The following NES variants were observed in gnomAD, a reference collection of about 807,000 sequenced individuals.
NES encodes nestin.
In NES, 27 loss-of-function variants were observed where a neutral mutation model predicts 35.6. The observed-to-expected ratio is 0.76, with a 90% CI of 0.56 to 1.04. NES has a LOEUF of 1.04. NES is among the 50% of genes least tolerant of loss of function. NES has a pLI of 0.00. For synonymous variants in NES, 822 were observed against 824.2 expected (o/e 1.00, Z 0.04); for missense variants, 1,867 against 1,983.6 (o/e 0.94, Z 1.12).
Position 156,669,419 on chromosome 1 carries a change from G to A in NES, c.4769C>T (p.Ser1590Phe). 6.2e-7 allele frequency: 1 copy of A among 1,613,436 alleles called. No homozygotes were observed. The highest frequency in any genetic ancestry group is 2.2e-5 in the East Asian group (1 of 44,824). ...QEEEGSALKTSWAGAPVHLGQ... is the reference protein window; with the variant it reads ...QEEEGSALKTFWAGAPVHLGQ... ...CAGGTGAACAGGAGCCCCTGCCCAA[G>A]AGGTCTTCAGAGCACTCCCCTCCTC... Residue 1590 changes from serine (S) to phenylalanine (F), a missense_variant, in exon 4 of 4, where the codon TCT (serine) becomes TTT (phenylalanine). Coordinates refer to ENST00000368223, the MANE Select transcript of NES (RefSeq NM_006617.2).
At position 156,675,152 on chromosome 1, in the gene NES, C is replaced by T. The variant is rs186955480; in HGVS notation, c.908+64G>A. 3.8e-4 allele frequency: 603 copies of T among 1,570,410 alleles called. 7 individuals are homozygous for T. In the East Asian group the frequency reaches 0.011, roughly 29 times the overall value. On this transcript the variant is annotated intron_variant, in intron 2 of 3. Transcript: ENST00000368223. The stretch of plus-strand genomic sequence containing the variant: ...CTACACCTCTGGTCCCCTTCAGCCA[C>T]GTAGTCTGCCCCAGCATGTGTGTGT...
Position 156,675,222 on chromosome 1 carries a change from G to A in NES, c.902C>T (p.Thr301Met), listed in dbSNP as rs144117214. 3.9e-4 allele frequency: 628 copies of A among 1,613,200 alleles called. No individual in the cohort carries two copies. Among genetic ancestry groups the A allele is most frequent in the Non-Finnish European group, 5.0e-4 (590 of 1,179,750 alleles). Residue 301 changes from threonine to methionine, a missense_variant, in exon 2 of 4, where the codon ACG becomes ATG. Transcript: ENST00000368223. ...GACAGGGCTCGTCTCGTACCTGTACGTGGCCACCTCCAGGCTGAGGGACAT... is the reference window on the plus strand; with the variant it reads ...GACAGGGCTCGTCTCGTACCTGTACATGGCCACCTCCAGGCTGAGGGACAT... ...LKMSLSLEVA[T>M]YRTLLEAENS...
At position 156,671,870 on chromosome 1, in the gene NES, T is replaced by C; in HGVS notation, c.2318A>G (p.Asp773Gly). The C allele has an allele frequency of 6.2e-7, 1 of 1,614,036 alleles. No homozygotes were observed. The highest frequency in any genetic ancestry group is 8.5e-7 in the Non-Finnish European group (1 of 1,179,974). ...TTCTGGGGGTCTTAATGTCATCTGA[T>C]CCTGTTCCCCTAGAGACCTCCGTCG... is the stretch of plus-strand genomic sequence containing the variant. The part of the protein sequence containing the change: ...QQRRRSLGEQ[D>G]QMTLRPPEKV... The change falls in exon 4 of 4, where the codon GAT becomes GGT. Residue 773 changes from aspartate to glycine, a missense_variant. Physicochemically the swap from Asp to Gly is moderately conservative, Grantham distance 94. Coordinates refer to ENST00000368223, the MANE Select transcript of NES (RefSeq NM_006617.2).
Position 156,671,883 on chromosome 1 carries a change from G to C in NES, c.2305C>G (p.Leu769Val). 1 of 1,613,968 alleles carries C rather than the reference G, an allele frequency of 6.2e-7. No individual in the cohort carries two copies. Among genetic ancestry groups the C allele is most frequent in the Non-Finnish European group, 8.5e-7 (1 of 1,179,978 alleles). Residue 769 changes from leucine (L) to valine (V), a missense_variant, in exon 4 of 4, where the codon CTA (leucine) becomes GTA (valine). Coordinates refer to ENST00000368223, the MANE Select transcript of NES (RefSeq NM_006617.2). ...EKETQQRRRS[L>V]GEQDQMTLRP... ...AATGTCATCTGATCCTGTTCCCCTA[G>C]AGACCTCCGTCGCTGTTGAGTCTCT... is the stretch of plus-strand genomic sequence containing the variant.
chr1:156,676,866 C>T lies in NES; in HGVS notation c.399G>A (p.Leu133=). ...CGCGTAGAGCCTCTAGCTCGCGCTC[C>T]AGCTCTGCCACCTGGCTACTCAGCC... ...RAWLSSQVAE[L]ERELEALRVA... is the part of the protein sequence containing the mutation. The change falls in exon 1 of 4, where the codon CTG becomes CTA. Residue 133 remains leucine (L), a synonymous_variant. Coordinates refer to ENST00000368223, the MANE Select transcript of NES (RefSeq NM_006617.2). The surrounding 1 kb of genome is among the most constrained non-coding windows in gnomAD (Gnocchi z 5.3). The T allele has an allele frequency of 6.5e-7, 1 of 1,527,778 alleles. No homozygotes were observed. The highest frequency in any genetic ancestry group is 8.7e-7 in the Non-Finnish European group (1 of 1,150,630). The allele number at this position is 1,527,778 out of a possible 1,614,324, so 94.6% of individuals were successfully genotyped here. A position where few individuals can be genotyped will look rare whatever the true frequency, so the allele number is the denominator to read the frequency against.
rs759455248 is a variant in NES, at chr1:156,677,321, G to A, written c.-57C>T. 3.5e-6 allele frequency: 5 copies of A among 1,432,118 alleles called. No individual in the cohort carries two copies. The highest frequency in any genetic ancestry group is 4.8e-6 in the Non-Finnish European group (5 of 1,050,702). 88.7% of individuals were successfully genotyped at this position (1,432,118 alleles called of 1,614,324 possible). A position where few individuals can be genotyped will look rare whatever the true frequency, so the allele number is the denominator to read the frequency against. Reference sequence around the variant, plus strand: ...ACGCGGGGCACCGGGAGAAGGGAGCGGCTCGCAGAGCTTTTAGGACGGAAG... The same window carrying A: ...ACGCGGGGCACCGGGAGAAGGGAGCAGCTCGCAGAGCTTTTAGGACGGAAG... On this transcript the variant is annotated 5_prime_UTR_variant, in exon 1 of 4. Transcript: ENST00000368223. The surrounding 1 kb of genome is among the most constrained non-coding windows in gnomAD (Gnocchi z 4.5).
rs1464544119 is a variant in NES at position 156,672,651 on chromosome 1, C to G, written c.1537G>C (p.Gly513Arg). 2 of 1,613,916 alleles carry G rather than the reference C, an allele frequency of 1.2e-6. No homozygotes were observed. The highest frequency in any genetic ancestry group is 1.6e-4 in the Middle Eastern group (1 of 6,062). ...TGCTGCAAGCTGCTTACCACTTTGC[C>G]CTCTATGGCTGTTTCTTTCTCTACC... is the stretch of plus-strand genomic sequence containing the variant. ...GLVEKETAIE[G>R]KVVSSLQQEI... The change falls in exon 4 of 4, where the codon GGC (glycine) becomes CGC (arginine). Residue 513 changes from glycine to arginine, a missense_variant. Physicochemically the swap from Gly to Arg is moderately radical, Grantham distance 125. Coordinates refer to ENST00000368223, the MANE Select transcript of NES (RefSeq NM_006617.2).
Position 156,672,461 on chromosome 1 carries a change from G to A in NES, c.1727C>T (p.Pro576Leu), listed in dbSNP as rs769193090. The change falls in exon 4 of 4, where the codon CCG becomes CTG. Residue 576 changes from proline to leucine, a missense_variant. By Grantham distance (98) the Pro-to-Leu change is moderately conservative. Transcript: ENST00000368223. The part of the protein sequence containing the change: ...ETLERENQEC[P>L]RSLEEDLETL... ...TTCTAAGTCTTCTTCTAAAGACCTCGGACATTCTTGATTCTCCCTTTCTAG... is the reference window on the plus strand; with the variant it reads ...TTCTAAGTCTTCTTCTAAAGACCTCAGACATTCTTGATTCTCCCTTTCTAG... 1.1e-5 allele frequency: 17 copies of A among 1,611,472 alleles called. No homozygotes were observed. In the Admixed American group the frequency reaches 1.3e-4, roughly 13 times the overall value.
chr1:156,676,627 C>T lies in NES; in HGVS notation c.638G>A (p.Arg213Gln). The change falls in exon 1 of 4, where the codon CGG (arginine) becomes CAG (glutamine). Residue 213 changes from arginine (R) to glutamine (Q), a missense_variant. Transcript: ENST00000368223. The surrounding 1 kb of genome is among the most constrained non-coding windows in gnomAD (Gnocchi z 5.3). Reference protein sequence around the residue: ...SLGQARERLGRAVQGAREGRL... With the variant: ...SLGQARERLGQAVQGAREGRL... ...GCCCTCGCGGGCACCCTGCACCGCC[C>T]GGCCCAGCCGCTCGCGGGCCTGGCC... 1 of 1,537,602 alleles carries T rather than the reference C, an allele frequency of 6.5e-7. No individual in the cohort carries two copies. The highest frequency in any genetic ancestry group is 8.7e-7 in the Non-Finnish European group (1 of 1,155,072).
chr1:156,674,131 G>T (rs1411977962), intron 2 of NES, among the ~76,000 whole-genome samples: 1 of 152,126 alleles, frequency 6.6e-6, no homozygotes, highest in Non-Finnish European at 1.5e-5. Flanking sequence ...CCCCTTGGTG[G>T]CTTCACTGGG....
At position 156,670,011 on chromosome 1, in the gene NES, C is replaced by G; in HGVS notation, c.4177G>C (p.Val1393Leu). The change falls in exon 4 of 4, where the codon GTG (valine) becomes CTG (leucine). Residue 1393 changes from valine to leucine, a missense_variant. By Grantham distance (32) the Val-to-Leu change is conservative (BLOSUM62 1). Coordinates refer to ENST00000368223, the MANE Select transcript of NES (RefSeq NM_006617.2). The stretch of plus-strand genomic sequence containing the variant: ...GCAGGATCCAGTAGCAGCTGGGGCA[C>G]CTGGCCCAGAGGTTCTGCCACCTCC... ...PGEVAEPLGQ[V>L]PQLLLDPAAW... The G allele has an allele frequency of 6.2e-7, 1 of 1,613,968 alleles. No individual in the cohort carries two copies. The highest frequency in any genetic ancestry group is 8.5e-7 in the Non-Finnish European group (1 of 1,179,992).
In NES at chr1:156,670,226, G is replaced by A. The variant is rs755531021; in HGVS notation, c.3962C>T (p.Pro1321Leu). ...PRWDPTGEQRPPPQGETGKEG... is the reference protein window; with the variant it reads ...PRWDPTGEQRLPPQGETGKEG... ...CTTTCCAGTCTCCCCTTGAGGGGGT[G>A]GCCTCTGCTCTCCAGTGGGGTCCCA... Residue 1321 changes from proline (P) to leucine (L), a missense_variant, in exon 4 of 4, where the codon CCA (proline) becomes CTA (leucine). By Grantham distance (98) the Pro-to-Leu change is moderately conservative. Transcript: ENST00000368223. 7 of 1,613,788 alleles carry A rather than the reference G, an allele frequency of 4.3e-6. No homozygotes were observed. The highest frequency in any genetic ancestry group is 1.3e-5 in the African/African-American group (1 of 74,936).
intron 2 of NES, 100 bp from the exon 3 acceptor site, chr1:156,673,627 G>T: frequency 1.3e-6 from 1 of 749,974 alleles, no homozygotes; most frequent in Non-Finnish European, 2.2e-6. Context: ...CACCATCCAG[G>T]CCCTGCAGGC....
Position 156,676,362 on chromosome 1 carries a change from C to G in NES, c.783+120G>C. 1.0e-6 allele frequency: 1 copy of G among 974,552 alleles called. No homozygotes were observed. 60.4% of individuals were successfully genotyped at this position (974,552 alleles called of 1,614,324 possible). A position where few individuals can be genotyped will look rare whatever the true frequency, so the allele number is the denominator to read the frequency against. The stretch of plus-strand genomic sequence containing the variant: ...ACTTGTGGCACCAGGTTTCTGAGAA[C>G]TGGCTCCTGATTCAGCAGCCAGCTA... On this transcript the variant is annotated intron_variant, in intron 1 of 3. Coordinates refer to ENST00000368223, the MANE Select transcript of NES (RefSeq NM_006617.2). This position sits in a 1 kb window ranked among gnomAD's most constrained non-coding sequence, Gnocchi z 5.3.
At chr1:156,674,985 TC>T (rs1424464730) in intron 2 of NES, among the ~76,000 whole-genome samples, 5 of 152,248 alleles carry the variant, frequency 3.3e-5, no homozygotes, top group African/African-American at 1.2e-4. Flanking sequence ...ATATCATCTC[TC>T]CTGGGGGGAT....
chr1:156,670,535 A>G lies in NES; in HGVS notation c.3653T>C (p.Leu1218Pro), dbSNP rs1679696157. Reference sequence around the variant, plus strand: ...GGTGTACGTTGGGCTGGGGGAGACCAGCACTGGTGGTACATCCTCCTCAGC... The same window carrying G: ...GGTGTACGTTGGGCTGGGGGAGACCGGCACTGGTGGTACATCCTCCTCAGC... ...EEAEEDVPPV[L>P]VSPSPTYTPI... The change falls in exon 4 of 4, where the codon CTG becomes CCG. Residue 1218 changes from leucine (L) to proline (P), a missense_variant. Coordinates refer to ENST00000368223, the MANE Select transcript of NES (RefSeq NM_006617.2). The G allele has an allele frequency of 1.9e-6, 3 of 1,607,886 alleles. No homozygotes were observed. The highest frequency in any genetic ancestry group is 2.6e-6 in the Non-Finnish European group (3 of 1,175,720).
chr1:156,670,729 C>T lies in NES; in HGVS notation c.3459G>A (p.Glu1153=), dbSNP rs1413320276. 6.2e-7 allele frequency: 1 copy of T among 1,614,064 alleles called. No homozygotes were observed. The highest frequency in any genetic ancestry group is 8.5e-7 in the Non-Finnish European group (1 of 1,179,966). ...TGCTCTTCCCAGGCAGCTCGGAGAACTCTGTCCCCAGACCACCTGCCTCCT... is the reference window on the plus strand; with the variant it reads ...TGCTCTTCCCAGGCAGCTCGGAGAATTCTGTCCCCAGACCACCTGCCTCCT... The part of the protein sequence containing the change: ...DLEEAGGLGT[E]FSELPGKSRD... Residue 1153 remains glutamate, a synonymous_variant, in exon 4 of 4, where the codon GAG becomes GAA. Transcript: ENST00000368223.
chr1:156,674,234 C>G (rs1334316059), intron 2 of NES, among the ~76,000 whole-genome samples: 1 of 152,164 alleles, frequency 6.6e-6, no homozygotes, highest in Admixed American at 6.5e-5. Context: ...TTCCTCAGCG[C>G]CCCTTGAACC....
At position 156,677,140 on chromosome 1, in the gene NES, C is replaced by T. The variant is rs1201006572; in HGVS notation, c.125G>A (p.Gly42Glu). 1 of 1,609,920 alleles carries T rather than the reference C, an allele frequency of 6.2e-7. No homozygotes were observed. Among genetic ancestry groups the T allele is most frequent in the South Asian group, 1.1e-5 (1 of 90,548 alleles). ...QNELLSAELG[G>E]LRAQSADTSW... Reference sequence around the variant, plus strand: ...GGTGTCCGCGGATTGTGCCCGGAGCCCCCCGAGCTCCGCGCTGAGCAGCTC... The same window carrying T: ...GGTGTCCGCGGATTGTGCCCGGAGCTCCCCGAGCTCCGCGCTGAGCAGCTC... Residue 42 changes from glycine (G) to glutamate (E), a missense_variant, in exon 1 of 4, where the codon GGG (glycine) becomes GAG (glutamate). Gly to Glu is a moderately conservative substitution (Grantham distance 98). Coordinates refer to ENST00000368223, the MANE Select transcript of NES (RefSeq NM_006617.2). The surrounding 1 kb of genome is among the most constrained non-coding windows in gnomAD (Gnocchi z 4.5).
Sources: gnomAD v4.1 joint callset for allele counts (sites outside exome capture counted in the v4.1 genomes callset) on GRCh38, gnomAD v4.1.1 for gene constraint, Gnocchi (gnomAD v3.1) non-coding constraint, MANE v1.5 for transcripts, NCBI Gene and HGNC (gene_info 2026-07-23, HGNC 2026-07-21) for gene names.